Variants in DNAH5 observed in about 807,000 individuals in gnomAD.
The protein encoded by DNAH5 is axonemal beta dynein heavy chain 5.
DNAH5 carries 372 observed loss-of-function variants against 518.2 expected under a neutral mutation model. That is an observed-to-expected ratio of 0.72 (90% CI 0.66 to 0.78). The LOEUF is 0.78. Among genes scored for constraint, DNAH5 ranks in the 30% least tolerant of loss-of-function variants. DNAH5 has a pLI of 0.00. For missense variants in DNAH5, 5,523 were observed against 5,687.0 expected, an observed-to-expected ratio of 0.97 and a Z score of 0.93; for synonymous variants, 2,039 against 2,025.9, an observed-to-expected ratio of 1.01 and a Z score of -0.17.
intron 76 of DNAH5, among the ~76,000 whole-genome samples, chr5:13,705,559 G>A (rs745546505): frequency 2.0e-5 from 3 of 152,130 alleles, no homozygotes; most frequent in Non-Finnish European, 4.4e-5. Flanking sequence ...TAATCTCCCT[G>A]TTGAGAATGG....
intron 29 of DNAH5, 68 bp from the exon 30 acceptor site, chr5:13,859,673 T>G (rs1235072234): frequency 6.0e-6 from 9 of 1,501,042 alleles, no homozygotes; most frequent in African/African-American, 1.4e-5. Flanking sequence ...ATTAAAAAGG[T>G]TTTTAAAAAT....
intron 12 of DNAH5, among the ~76,000 whole-genome samples, chr5:13,902,985 T>C (rs933477847): frequency 6.6e-6 from 1 of 152,142 alleles, no homozygotes; most frequent in African/African-American, 2.4e-5. Context: ...GAGAAAATCA[T>C]CTTTGAGAGA....
Position 13,885,231 on chromosome 5 carries a change from G to A in DNAH5, c.2744-3C>T. ...AAAATTTCCTTCTTCTCTTTTTGCT[G>A]TTACAAGATGAAAGAGATAGAGATA... On this transcript the variant is annotated splice_polypyrimidine_tract_variant and splice_region_variant and intron_variant, in intron 18 of 78. Coordinates refer to ENST00000265104, the MANE Select transcript of DNAH5 (RefSeq NM_001369.3). 1 of 1,613,886 alleles carries A rather than the reference G, an allele frequency of 6.2e-7. No individual in the cohort carries two copies. Among genetic ancestry groups the A allele is most frequent in the Non-Finnish European group, 8.5e-7 (1 of 1,179,928 alleles).
Position 13,768,983 on chromosome 5 carries a change from C to G in DNAH5, c.9874G>C (p.Glu3292Gln). 6.2e-7 allele frequency: 1 copy of G among 1,614,182 alleles called. No individual in the cohort carries two copies. The highest frequency in any genetic ancestry group is 1.6e-4 in the Middle Eastern group (1 of 6,062). Residue 3292 changes from glutamate to glutamine, a missense_variant, in exon 58 of 79, where the codon GAA (glutamate) becomes CAA (glutamine). Physicochemically the swap from Glu to Gln is conservative, Grantham distance 29. Coordinates refer to ENST00000265104, the MANE Select transcript of DNAH5 (RefSeq NM_001369.3). ...EKLEAAKPAL[E>Q]EAEAALQTIR... The stretch of plus-strand genomic sequence containing the variant: ...ACCTGCAATGCAGCTTCTGCCTCTT[C>G]TAAAGCTGGTTTTGCTGCTTCCAGT...
intron 40 of DNAH5, among the ~76,000 whole-genome samples, chr5:13,820,729 G>T (rs1762113228): frequency 6.6e-6 from 1 of 150,964 alleles, no homozygotes; most frequent in Admixed American, 6.7e-5. Context: ...GGAGGCTGAG[G>T]CAGGAGAATT....
chr5:13,757,560 A>C (rs1751177637), intron 61 of DNAH5, among the ~76,000 whole-genome samples: 1 of 152,206 alleles, frequency 6.6e-6, no homozygotes, highest in Non-Finnish European at 1.5e-5. Flanking sequence ...ATCTAATTAA[A>C]ATAAAAAGCT....
intron 10 of DNAH5, 62 bp downstream of exon 10, chr5:13,914,458 G>A (rs1167818098): frequency 1.3e-6 from 2 of 1,546,792 alleles, no homozygotes; most frequent in African/African-American, 2.7e-5. Flanking sequence ...AATGATTTAA[G>A]ATGGTCTCAA....
rs752478888 is a variant in DNAH5, at chr5:13,894,672, T to C, written c.2409A>G (p.Leu803=). The C allele has an allele frequency of 2.5e-6, 4 of 1,613,946 alleles. No homozygotes were observed. The highest frequency in any genetic ancestry group is 3.3e-5 in the Admixed American group (2 of 59,998). The change falls in exon 16 of 79, where the codon TTA becomes TTG. Residue 803 remains leucine (L), a synonymous_variant. Transcript: ENST00000265104. The part of the protein sequence containing the change: ...TWTSLNIEAY[L]ENTFAKIKDL... The stretch of plus-strand genomic sequence containing the variant: ...TACTGATCTTTGCAAAAGTGTTTTC[T>C]AAATAAGCCTCAATATTCAGTGATG...
rs1561324970 is a variant in DNAH5, at chr5:13,811,683, C to G, written c.7371G>C (p.Gln2457His). 3.7e-6 allele frequency: 6 copies of G among 1,614,004 alleles called. No homozygotes were observed. In the Admixed American group the frequency reaches 1.0e-4, roughly 27 times the overall value. Reference protein sequence around the residue: ...MEVLEAFVITQSINMLQGLIP... With the variant: ...MEVLEAFVITHSINMLQGLIP... ...TCAGGCCTTGAAGCATGTTAATGCTCTGTGTGATGACAAAGGCCTCCAGCA... is the reference window on the plus strand; with the variant it reads ...TCAGGCCTTGAAGCATGTTAATGCTGTGTGTGATGACAAAGGCCTCCAGCA... Residue 2457 changes from glutamine to histidine, a missense_variant, in exon 44 of 79, where the codon CAG becomes CAC. Physicochemically the swap from Gln to His is conservative, Grantham distance 24. Coordinates refer to ENST00000265104, the MANE Select transcript of DNAH5 (RefSeq NM_001369.3).
chr5:13,911,485 C>A lies in DNAH5; in HGVS notation c.1545G>T (p.Val515=). ...EDMATKYQGI[V]ATIKKKEYNF... ...TGTATTCCTTTTTCTTTATGGTTGC[C>A]ACAATGCCCTGAAATATTATGAGAT... The change falls in exon 12 of 79, where the codon GTG becomes GTT. Residue 515 remains valine, a synonymous_variant. Coordinates refer to ENST00000265104, the MANE Select transcript of DNAH5 (RefSeq NM_001369.3). The A allele has an allele frequency of 6.2e-7, 1 of 1,612,280 alleles. No homozygotes were observed. Among genetic ancestry groups the A allele is most frequent in the Non-Finnish European group, 8.5e-7 (1 of 1,178,678 alleles).
chr5:13,933,751 T>C lies in DNAH5; in HGVS notation c.58-2507A>G, dbSNP rs150751706. On this transcript the variant is annotated intron_variant, in intron 1 of 78. Coordinates refer to ENST00000265104, the MANE Select transcript of DNAH5 (RefSeq NM_001369.3). The stretch of plus-strand genomic sequence containing the variant: ...GTTGCAGTGAGCCGAGATTGCACCA[T>C]TGCACTCCAGCCTGGATGACAGAGT... Among the ~76,000 whole-genome samples the C allele has an allele frequency of 3.6e-3, 517 of 143,828 alleles. 3 individuals are homozygous for C. The highest frequency in any genetic ancestry group is 0.013 in the African/African-American group (486 of 37,820). 94.4% of individuals were successfully genotyped at this position (143,828 alleles called of 152,430 possible).
rs538239231 is a variant in DNAH5 at position 13,694,729 on chromosome 5, TAA to T, written c.13724-2596_13724-2595del. 3.0e-4 allele frequency among the ~76,000 whole-genome samples: 45 copies of T among 152,330 alleles called. No individual in the cohort carries two copies. The South Asian group carries it at 6.0e-3, about 20-fold the overall frequency. On this transcript the variant is annotated intron_variant, in intron 78 of 78. Coordinates refer to ENST00000265104, the MANE Select transcript of DNAH5 (RefSeq NM_001369.3). ...ACATAGAGAGTCTCTATAGAATCGT[TAA>T]GTCATTCCTTTATTTAACCACCCTT...
intron 65 of DNAH5, among the ~76,000 whole-genome samples, chr5:13,743,053 A>G (rs1748827895): frequency 6.6e-6 from 1 of 152,090 alleles, no homozygotes; most frequent in Non-Finnish European, 1.5e-5. Context: ...AATTACTTTC[A>G]TTCCACCAAT....
At chr5:13,771,755 G>C (rs1753370495) in intron 55 of DNAH5, among the ~76,000 whole-genome samples, 1 of 152,154 alleles carries the variant, frequency 6.6e-6, no homozygotes, top group African/African-American at 2.4e-5. Flanking sequence ...ACAAAATACG[G>C]TTAAAATTAT....
intron 78 of DNAH5, among the ~76,000 whole-genome samples, chr5:13,695,253 C>A (rs755983418): frequency 2.0e-5 from 3 of 152,168 alleles, no homozygotes; most frequent in African/African-American, 7.2e-5. Flanking sequence ...TCCTGGCCCT[C>A]GGCTCACAGT....
chr5:13,807,688 G>C lies in DNAH5; in HGVS notation c.7790C>G (p.Thr2597Arg). The change falls in exon 47 of 79, where the codon ACA (threonine) becomes AGA (arginine). Residue 2597 changes from threonine to arginine, a missense_variant. Coordinates refer to ENST00000265104, the MANE Select transcript of DNAH5 (RefSeq NM_001369.3). ...LLIGEQGTAK[T>R]VIIKGFMSKY... Reference sequence around the variant, plus strand: ...TGACATAAATCCTTTAATTATTACTGTTTTGGCTGTTCCTTGTTCACCAAT... The same window carrying C: ...TGACATAAATCCTTTAATTATTACTCTTTTGGCTGTTCCTTGTTCACCAAT... 1 of 1,608,402 alleles carries C rather than the reference G, an allele frequency of 6.2e-7. No individual in the cohort carries two copies. Among genetic ancestry groups the C allele is most frequent in the Non-Finnish European group, 8.5e-7 (1 of 1,176,306 alleles).
chr5:13,865,775 A>G lies in DNAH5; in HGVS notation c.4248T>C (p.Tyr1416=). 1 of 1,610,650 alleles carries G rather than the reference A, an allele frequency of 6.2e-7. No homozygotes were observed. Among genetic ancestry groups the G allele is most frequent in the South Asian group, 1.1e-5 (1 of 91,002 alleles). ...KKQLNLLQKI[Y]TLYNSVIETV... is the part of the protein sequence containing the mutation. Reference sequence around the variant, plus strand: ...TTTCTATGACACTGTTGTACAGAGTATATATTTTCTGTAGAAGATTTAGTT... The same window carrying G: ...TTTCTATGACACTGTTGTACAGAGTGTATATTTTCTGTAGAAGATTTAGTT... The change falls in exon 27 of 79, where the codon TAT becomes TAC. Residue 1416 remains tyrosine, a synonymous_variant. Transcript: ENST00000265104.
At chr5:13,772,521 G>T (rs2126792546) in intron 55 of DNAH5, among the ~76,000 whole-genome samples, 1 of 152,338 alleles carries the variant, frequency 6.6e-6, no homozygotes, top group African/African-American at 2.4e-5. Flanking sequence ...CAAGAGGCCA[G>T]AAAACCCTTC....
At chr5:13,900,016 T>C (rs565748806) in intron 15 of DNAH5, 190 bp downstream of exon 15, 11 of 598,868 alleles carry the variant, frequency 1.8e-5, no homozygotes, top group Non-Finnish European at 2.9e-5. Flanking sequence ...AAGCTTCTCA[T>C]CTTGGCCTGC....
Sources: gnomAD v4.1 joint callset for allele counts (sites outside exome capture counted in the v4.1 genomes callset) on GRCh38, gnomAD v4.1.1 for gene constraint, MANE v1.5 for transcripts, NCBI Gene and HGNC (gene_info 2026-07-23, HGNC 2026-07-21) for gene names.